HRH1: variants seen among roughly 807,000 people sequenced by gnomAD.
HRH1 encodes histamine H1 receptor.
In HRH1, 6 loss-of-function variants were observed where a neutral mutation model predicts 10.3. The observed-to-expected ratio is 0.58, with a 90% confidence interval of 0.32 to 1.15. The LOEUF (loss-of-function observed/expected upper bound fraction) is 1.15, where lower values mean the gene tolerates loss of function less well. Ranked by LOEUF, HRH1 falls within the 50% of genes most tolerant of loss-of-function variation. The pLI is 0.05. For missense variants in HRH1, 514 were observed against 615.3 expected (o/e 0.84, Z 1.74); for synonymous variants, 242 against 236.7 (o/e 1.02, Z -0.21).
chr3:11,192,933 G>T (rs559610285), intron 1 of HRH1, among the ~76,000 whole-genome samples: 1 of 152,114 alleles, frequency 6.6e-6, no homozygotes, highest in African/African-American at 2.4e-5. Flanking sequence ...TCTTATTAAC[G>T]TCATTCCCTC....
At chr3:11,245,951 A>G (rs2152583220) in intron 1 of HRH1, among the ~76,000 whole-genome samples, 1 of 151,960 alleles carries the variant, frequency 6.6e-6, no homozygotes, top group South Asian at 2.1e-4. Context: ...ACACTCACTC[A>G]TACATACTCA....
intron 1 of HRH1, among the ~76,000 whole-genome samples, chr3:11,215,452 T>G (rs1480556696): frequency 2.6e-5 from 4 of 152,166 alleles, no homozygotes; most frequent in African/African-American, 9.7e-5. Context: ...TGTTTTTGAT[T>G]TTTTTTGAGA....
chr3:11,185,269 A>G (rs1387486206), intron 1 of HRH1, among the ~76,000 whole-genome samples: 1 of 152,142 alleles, frequency 6.6e-6, no homozygotes, highest in Non-Finnish European at 1.5e-5. Context: ...CTGCACTTTC[A>G]CTCATTGAGG....
upstream of HRH1, among the ~76,000 whole-genome samples, chr3:11,151,333 A>G (rs1054632416): frequency 6.6e-6 from 1 of 152,262 alleles, no homozygotes; most frequent in East Asian, 1.9e-4. Context: ...CAGAGTCAAG[A>G]CAGAGGGAGA....
At chr3:11,193,765 G>A (rs748803434) in intron 1 of HRH1, among the ~76,000 whole-genome samples, 8 of 152,088 alleles carry the variant, frequency 5.3e-5, no homozygotes, top group East Asian at 1.9e-4. Flanking sequence ...CTGTGTCTTC[G>A]CATGGTGGGA....
At chr3:11,253,262 G>A (rs1255395309) in intron 1 of HRH1, 1 of 152,168 alleles carries the variant, frequency 6.6e-6, no homozygotes, top group Non-Finnish European at 1.5e-5. Context: ...TTTACCAAGG[G>A]CTGTTGGTGG....
chr3:11,139,625 T>A (rs1007855121), intron 1 of HRH1, among the ~76,000 whole-genome samples: 2 of 151,906 alleles, frequency 1.3e-5, no homozygotes, highest in Non-Finnish European at 2.9e-5. Context: ...CATCAACTCA[T>A]GAAGGGATAC....
chr3:11,142,190 C>T (rs1290977966), intron 1 of HRH1, among the ~76,000 whole-genome samples: 3 of 152,206 alleles, frequency 2.0e-5, no homozygotes, highest in Non-Finnish European at 4.4e-5. Flanking sequence ...GCCCCTTTGG[C>T]AGAAACGGGT....
rs1270313690 is a variant in HRH1, at chr3:11,260,091, T to C, written c.1054T>C (p.Leu352=). 1 of 1,613,758 alleles carries C rather than the reference T, an allele frequency of 6.2e-7. No homozygotes were observed. The highest frequency in any genetic ancestry group is 1.3e-5 in the African/African-American group (1 of 74,804). The change falls in exon 2 of 2, where the codon TTA becomes CTA. Residue 352 remains leucine (L), a synonymous_variant. Transcript: ENST00000431010. ...GASEISEDQM[L]GDSQSFSRTD... is the part of the protein sequence containing the mutation. ...CAGCGAGATATCAGAGGATCAGATG[T>C]TAGGTGATAGCCAATCCTTCTCTCG... is the stretch of plus-strand genomic sequence containing the variant.
intron 1 of HRH1, among the ~76,000 whole-genome samples, chr3:11,249,124 C>T (rs368399853): frequency 2.0e-5 from 3 of 151,968 alleles, no homozygotes; most frequent in Non-Finnish European, 4.4e-5. Flanking sequence ...GGGCTGGGCG[C>T]GGTGGCTCAT....
chr3:11,186,391 T>G (rs1296594684), intron 1 of HRH1, among the ~76,000 whole-genome samples: 2 of 152,220 alleles, frequency 1.3e-5, no homozygotes, highest in African/African-American at 4.8e-5. Flanking sequence ...CTTTTACCAT[T>G]GCACCTTTGC....
intron 1 of HRH1, among the ~76,000 whole-genome samples, chr3:11,199,410 TGCA>T (rs1361544315): frequency 1.3e-5 from 2 of 152,140 alleles, no homozygotes; most frequent in Admixed American, 6.5e-5. Context: ...TCCCTCTGCC[TGCA>T]GTGTCCCACT....
At chr3:11,216,723 A>G (rs911119198) in intron 1 of HRH1, among the ~76,000 whole-genome samples, 1 of 152,186 alleles carries the variant, frequency 6.6e-6, no homozygotes, top group Non-Finnish European at 1.5e-5. Flanking sequence ...TACTAAAAAT[A>G]CAAAAACTTA....
intron 1 of HRH1, among the ~76,000 whole-genome samples, chr3:11,254,153 AAG>A (rs764691619): frequency 6.6e-6 from 1 of 152,144 alleles, no homozygotes; most frequent in Non-Finnish European, 1.5e-5. Flanking sequence ...ATCCTGGAGA[AAG>A]AGTTTTTCCC....
rs573322203 is a variant in HRH1, at chr3:11,157,022, A to G, written c.-36+2468A>G. Among the ~76,000 whole-genome samples, 5 of 152,354 alleles carry G rather than the reference A, an allele frequency of 3.3e-5. No homozygotes were observed. The South Asian group carries it at 1.0e-3, about 32-fold the overall frequency. ...ACACTCAGCAAACGCTGGCCATTGC[A>G]ACGAGTGTCACTAGTGTGGATGATA... On this transcript the variant is annotated intron_variant, in intron 1 of 1. Transcript: ENST00000431010.
chr3:11,176,546 T>C (rs1235972168), intron 1 of HRH1, among the ~76,000 whole-genome samples: 3 of 152,110 alleles, frequency 2.0e-5, no homozygotes, highest in Non-Finnish European at 4.4e-5. Flanking sequence ...CACTGTGAAC[T>C]CCAGGGCTCT....
At chr3:11,181,181 G>T (rs1412225045) in intron 1 of HRH1, among the ~76,000 whole-genome samples, 1 of 152,176 alleles carries the variant, frequency 6.6e-6, no homozygotes, top group Non-Finnish European at 1.5e-5. Context: ...CACTCAGGAG[G>T]CTGAGAGGCA....
chr3:11,236,798 C>G (rs1172534869), intron 1 of HRH1, among the ~76,000 whole-genome samples: 1 of 152,198 alleles, frequency 6.6e-6, no homozygotes, highest in Non-Finnish European at 1.5e-5. Context: ...GCAGGTGGTG[C>G]TAAAGAGCCC....
At chr3:11,181,699 T>G (rs1368177046) in intron 1 of HRH1, among the ~76,000 whole-genome samples, 3 of 149,704 alleles carry the variant, frequency 2.0e-5, no homozygotes, top group Non-Finnish European at 4.4e-5. Flanking sequence ...TGGCGCGATC[T>G]TAGCTCACTG....
Sources: allele counts gnomAD v4.1 joint callset (sites outside exome capture counted in the v4.1 genomes callset), GRCh38; gene constraint gnomAD v4.1.1; transcripts MANE v1.5; gene names NCBI Gene and HGNC (gene_info 2026-07-23, HGNC 2026-07-21).